The following PCDHGA7 variants were observed in gnomAD, a reference collection of about 807,000 sequenced individuals.
The protein encoded by PCDHGA7 is protocadherin gamma-A7.
PCDHGA7 carries 44 observed loss-of-function variants against 58.3 expected under a neutral mutation model. The ratio of observed to expected loss-of-function variants is 0.75; its 90% CI spans 0.59 to 0.97. The LOEUF is 0.97. Among genes scored for constraint, PCDHGA7 ranks in the 50% least tolerant of loss-of-function variants. PCDHGA7 has a pLI of 0.00. For missense variants in PCDHGA7, 1,266 were observed against 1,188.7 expected (o/e 1.06, Z -0.96); for synonymous variants, 516 against 504.2 (o/e 1.02, Z -0.31).
intron 1 of PCDHGA7, chr5:141,415,029 G>C (rs777967290): frequency 6.2e-7 from 1 of 1,613,552 alleles, no homozygotes; most frequent in South Asian, 1.1e-5. Flanking sequence ...CCAGCGAGCC[G>C]GGACTCTTCG....
intron 1 of PCDHGA7, chr5:141,421,105 G>A: frequency 1.4e-6 from 1 of 700,910 alleles, no homozygotes; most frequent in Non-Finnish European, 2.3e-6. Context: ...TGGAGACTTA[G>A]AAGTATTTTC....
chr5:141,430,952 C>T, intron 1 of PCDHGA7: 2 of 1,610,382 alleles, frequency 1.2e-6, no homozygotes, highest in Non-Finnish European at 1.7e-6. Flanking sequence ...GCGCGGAGTC[C>T]GCATCATCCC....
chr5:141,492,122 C>G (rs2154587050), intron 1 of PCDHGA7, among the ~76,000 whole-genome samples: 1 of 152,328 alleles, frequency 6.6e-6, no homozygotes, highest in Admixed American at 6.5e-5. Context: ...GATTTCTCCC[C>G]AGCTCCCAGC....
At position 141,432,749 on chromosome 5, in the gene PCDHGA7, G is replaced by A; in HGVS notation, c.2424+47426G>A. 6.8e-6 allele frequency: 11 copies of A among 1,614,106 alleles called. No homozygotes were observed. The highest frequency in any genetic ancestry group is 9.3e-6 in the Non-Finnish European group (11 of 1,179,980). On this transcript the variant is annotated intron_variant, in intron 1 of 3. Coordinates refer to ENST00000518325, the MANE Select transcript of PCDHGA7 (RefSeq NM_018920.4). The surrounding 1 kb of genome is among the most constrained non-coding windows in gnomAD (Gnocchi z 6.0). ...CGCCACTGTCACGCTCACCGTGGCCGTGGCCGACAGCATCCCCCAAGTCCT... is the reference window on the plus strand; with the variant it reads ...CGCCACTGTCACGCTCACCGTGGCCATGGCCGACAGCATCCCCCAAGTCCT...
Position 141,383,871 on chromosome 5 carries a change from T to C in PCDHGA7, c.972T>C (p.Gly324=), listed in dbSNP as rs1490693086. ...AAATGGAGGTTCAGGCTCAAGATGG[T>C]CCTGGTAGTCTGACAAAGGCAAAAG... The part of the protein sequence containing the change: ...FYEMEVQAQD[G]PGSLTKAKVL... Residue 324 remains glycine (G), a synonymous_variant, in exon 1 of 4, where the codon GGT becomes GGC. Coordinates refer to ENST00000518325, the MANE Select transcript of PCDHGA7 (RefSeq NM_018920.4). The C allele has an allele frequency of 6.2e-7, 1 of 1,613,852 alleles. No homozygotes were observed. Among genetic ancestry groups the C allele is most frequent in the African/African-American group, 1.3e-5 (1 of 74,932 alleles).
At chr5:141,472,620 A>G (rs2099290656) in intron 1 of PCDHGA7, among the ~76,000 whole-genome samples, 1 of 152,136 alleles carries the variant, frequency 6.6e-6, no homozygotes, top group Admixed American at 6.5e-5. Context: ...AGAAGAAAAA[A>G]GATAAAGACT....
chr5:141,426,369 A>G, intron 1 of PCDHGA7: 1 of 205,906 alleles, frequency 4.9e-6, no homozygotes, highest in Non-Finnish European at 1.0e-5. Context: ...TCTGCGGGGC[A>G]CCCTCGGAGC....
At chr5:141,447,244 A>G (rs1475037979) in intron 1 of PCDHGA7, among the ~76,000 whole-genome samples, 1 of 152,062 alleles carries the variant, frequency 6.6e-6, no homozygotes, top group South Asian at 2.1e-4. Flanking sequence ...GGTTCAAGTG[A>G]TTCTTCTGTC....
chr5:141,397,986 C>G, intron 1 of PCDHGA7: 2 of 1,316,082 alleles, frequency 1.5e-6, no homozygotes, highest in Non-Finnish European at 2.1e-6. Flanking sequence ...GCCTTTACAC[C>G]GCTTCCTCCT....
At chr5:141,495,446 C>A (rs1165861519) in intron 2 of PCDHGA7, among the ~76,000 whole-genome samples, 1 of 152,220 alleles carries the variant, frequency 6.6e-6, no homozygotes, top group African/African-American at 2.4e-5. Flanking sequence ...CCCTACTTGT[C>A]CTGCTCTCTG....
rs201006002 is a variant in PCDHGA7, at chr5:141,432,497, C to G, written c.2424+47174C>G. Reference sequence around the variant, plus strand: ...TTCCACTGGCGTGGAGCTGGCTCCCCGCTCCGCAGAGCCCGGCTACCTGGT... The same window carrying G: ...TTCCACTGGCGTGGAGCTGGCTCCCGGCTCCGCAGAGCCCGGCTACCTGGT... On this transcript the variant is annotated intron_variant, in intron 1 of 3. Transcript: ENST00000518325. This position sits in a 1 kb window ranked among gnomAD's most constrained non-coding sequence, Gnocchi z 6.0. The G allele has an allele frequency of 1.1e-5, 18 of 1,614,182 alleles. No homozygotes were observed. In the East Asian group the frequency reaches 4.0e-4, roughly 36 times the overall value.
In PCDHGA7 at chr5:141,487,218, C is replaced by T; in HGVS notation, c.2425-7589C>T. The T allele has an allele frequency of 6.2e-7, 1 of 1,613,938 alleles. No individual in the cohort carries two copies. The highest frequency in any genetic ancestry group is 1.3e-5 in the African/African-American group (1 of 75,024). On this transcript the variant is annotated intron_variant, in intron 1 of 3. Coordinates refer to ENST00000518325, the MANE Select transcript of PCDHGA7 (RefSeq NM_018920.4). The surrounding 1 kb of genome is among the most constrained non-coding windows in gnomAD (Gnocchi z 5.0). ...CCAGATCTTCGAGAATCTTCAGCTCCAAGGGAAGGAGAATCTCGTCTAACC... is the reference window on the plus strand; with the variant it reads ...CCAGATCTTCGAGAATCTTCAGCTCTAAGGGAAGGAGAATCTCGTCTAACC...
In PCDHGA7 at chr5:141,512,243, C is replaced by T. The variant is rs1205585993; in HGVS notation, c.*1070C>T. ...AGGTCCCCTTGAGAGGTCAGAGGGG[C>T]CTCTGTGGGTGCTGGGTACTCCAGA... On this transcript the variant is annotated 3_prime_UTR_variant, in exon 4 of 4. Transcript: ENST00000518325. 2 of 152,728 alleles carry T rather than the reference C, an allele frequency of 1.3e-5. No homozygotes were observed. The highest frequency in any genetic ancestry group is 1.5e-5 in the Non-Finnish European group (1 of 68,138). 9.5% of individuals were successfully genotyped at this position (152,728 alleles called of 1,614,324 possible).
At position 141,493,482 on chromosome 5, in the gene PCDHGA7, G is replaced by A. The variant is rs184736387; in HGVS notation, c.2425-1325G>A. ...TTTTAGGACCTTACATGTGGGGAAA[G>A]TCTTCTGTGGCTCCTCATTTCTGAG... On this transcript the variant is annotated intron_variant, in intron 1 of 3. Coordinates refer to ENST00000518325, the MANE Select transcript of PCDHGA7 (RefSeq NM_018920.4). This position sits in a 1 kb window ranked among gnomAD's most constrained non-coding sequence, Gnocchi z 4.3. Among the ~76,000 whole-genome samples the A allele has an allele frequency of 1.5e-3, 229 of 152,324 alleles. No homozygotes were observed. Among genetic ancestry groups the A allele is most frequent in the Non-Finnish European group, 2.2e-3 (147 of 68,030 alleles).
chr5:141,399,362 C>T (rs182743080), intron 1 of PCDHGA7: 5 of 1,613,990 alleles, frequency 3.1e-6, no homozygotes, highest in East Asian at 2.2e-5. Context: ...GAGCAAACCC[C>T]GGAGTACAAT....
intron 1 of PCDHGA7, among the ~76,000 whole-genome samples, chr5:141,407,310 T>C (rs1468156890): frequency 6.6e-6 from 1 of 152,224 alleles, no homozygotes; most frequent in Non-Finnish European, 1.5e-5. Context: ...GTAGCCTTCA[T>C]ACTTAGTATT....
Position 141,489,242 on chromosome 5 carries a change from T to C in PCDHGA7, c.2425-5565T>C. ...TCTCCACAAAGGGACTTCTGGGTCA[T>C]GGGGCCCAAGACACTCCCACAGCTC... On this transcript the variant is annotated intron_variant, in intron 1 of 3. Transcript: ENST00000518325. This position sits in a 1 kb window ranked among gnomAD's most constrained non-coding sequence, Gnocchi z 4.5. 6.5e-7 allele frequency: 1 copy of C among 1,534,502 alleles called. No individual in the cohort carries two copies. The highest frequency in any genetic ancestry group is 8.8e-7 in the Non-Finnish European group (1 of 1,141,994).
chr5:141,500,104 T>C (rs917633032), intron 2 of PCDHGA7, among the ~76,000 whole-genome samples: 1 of 152,124 alleles, frequency 6.6e-6, no homozygotes, highest in Non-Finnish European at 1.5e-5. Context: ...AATTTATTTG[T>C]TGAATCCCTG....
chr5:141,440,780 C>T (rs748247053), intron 1 of PCDHGA7: 1 of 152,158 alleles, frequency 6.6e-6, no homozygotes, highest in African/African-American at 2.4e-5. Flanking sequence ...GTGCTAGCAG[C>T]CTTAGACGGC....
Sources: allele counts gnomAD v4.1 joint callset (sites outside exome capture counted in the v4.1 genomes callset), GRCh38; gene constraint gnomAD v4.1.1; non-coding constraint Gnocchi (gnomAD v3.1); transcripts MANE v1.5; gene names NCBI Gene and HGNC (gene_info 2026-07-23, HGNC 2026-07-21).